The following OSGEPL1 variants were observed in gnomAD, a reference collection of about 807,000 sequenced individuals.
OSGEPL1 encodes the protein O-sialoglycoprotein endopeptidase like 1.
Under a neutral mutation model 37.2 loss-of-function variants are expected in OSGEPL1, and 26 were observed. The observed-to-expected ratio is 0.70, with a 90% CI of 0.51 to 0.97. The LOEUF (loss-of-function observed/expected upper bound fraction) is 0.97. Among genes scored for constraint, OSGEPL1 ranks in the 50% least tolerant of loss-of-function variants. The probability of loss-of-function intolerance (pLI) is 0.00; values close to 1 mark genes in which losing one functional copy is unlikely to be tolerated. For missense variants in OSGEPL1, 404 were observed against 487.0 expected, an observed-to-expected ratio of 0.83 and a Z score of 1.60; for synonymous variants, 140 against 159.9, an observed-to-expected ratio of 0.88 and a Z score of 0.94.
chr2:189,753,559 TA>T (rs1230840203), intron 5 of OSGEPL1, among the ~76,000 whole-genome samples: 3 of 151,978 alleles, frequency 2.0e-5, no homozygotes, highest in Admixed American at 1.3e-4. Context: ...ACTGGCTTAT[TA>T]AAAAAACAAA....
intron 1 of OSGEPL1, chr2:189,762,467 A>C (rs576899305): frequency 1.8e-6 from 1 of 550,794 alleles, no homozygotes; most frequent in South Asian, 7.8e-5. Flanking sequence ...CCAGACAGAC[A>C]CAACCTAGAG....
Position 189,753,145 on chromosome 2 carries a change from A to G in OSGEPL1, c.964-166T>C. The G allele has an allele frequency of 6.1e-6, 3 of 491,586 alleles. No homozygotes were observed. The Admixed American group carries it at 1.2e-4, about 19-fold the overall frequency. 30.5% of individuals were successfully genotyped at this position (491,586 alleles called of 1,614,324 possible). On this transcript the variant is annotated intron_variant, in intron 5 of 8. Coordinates refer to ENST00000264151, the MANE Select transcript of OSGEPL1 (RefSeq NM_022353.3). ...ATGTAATAAAAATTTGGAAAGAAAA[A>G]AATTACTAATAATTCTAATAGCATA...
intron 2 of OSGEPL1, among the ~76,000 whole-genome samples, chr2:189,760,070 T>TG (rs1022412826): frequency 3.0e-4 from 45 of 152,318 alleles, no homozygotes; most frequent in African/African-American, 1.0e-3. Context: ...AGCACGGGGT[T>TG]GGGGGTAAGG....
chr2:189,761,089 GACTA>G (rs66521615), intron 2 of OSGEPL1: 112,230 of 183,084 alleles, frequency 0.61, 38,171 homozygotes, highest in South Asian at 0.76. Context: ...TTTTTTCAAT[GACTA>G]ACAGTTTTCC....
intron 2 of OSGEPL1, among the ~76,000 whole-genome samples, chr2:189,756,546 T>C (rs967206904): frequency 6.6e-6 from 1 of 152,226 alleles, no homozygotes; most frequent in Non-Finnish European, 1.5e-5. Flanking sequence ...GAGGGGGATA[T>C]AAATGAAATG....
chr2:189,758,993 T>C (rs1360734804), intron 2 of OSGEPL1, among the ~76,000 whole-genome samples: 1 of 152,192 alleles, frequency 6.6e-6, no homozygotes, highest in Non-Finnish European at 1.5e-5. Context: ...ACGGTAATAA[T>C]AGTTACTGTC....
At chr2:189,753,510 T>C (rs1469116091) in intron 5 of OSGEPL1, among the ~76,000 whole-genome samples, 2 of 152,126 alleles carry the variant, frequency 1.3e-5, no homozygotes, top group East Asian at 1.9e-4. Context: ...AACATTAGTG[T>C]CACGAAAGTT....
intron 1 of OSGEPL1, among the ~76,000 whole-genome samples, chr2:189,762,188 T>C (rs1342991476): frequency 6.6e-6 from 1 of 152,222 alleles, no homozygotes; most frequent in African/African-American, 2.4e-5. Context: ...ATTGCAATCT[T>C]TGGAATTAAA....
Position 189,753,934 on chromosome 2 carries a change from A to G in OSGEPL1, c.945T>C (p.Pro315=), listed in dbSNP as rs1419248476. The G allele has an allele frequency of 1.9e-6, 3 of 1,613,494 alleles. No homozygotes were observed. The highest frequency in any genetic ancestry group is 2.5e-6 in the Non-Finnish European group (3 of 1,179,780). ...AACTTACCAGTACTGCATTATTTTG[A>G]GGTAACAAGTCTCTCTGCTTACAAA... is the stretch of plus-strand genomic sequence containing the variant. ...ILFCKQRDLL[P]QNNAVLVASG... Residue 315 remains proline (P), a synonymous_variant, in exon 5 of 9, where the codon CCT becomes CCC. Coordinates refer to ENST00000264151, the MANE Select transcript of OSGEPL1 (RefSeq NM_022353.3).
chr2:189,750,810 G>A (rs974369388), intron 7 of OSGEPL1, among the ~76,000 whole-genome samples, 154 bp from the exon 8 acceptor site: 3 of 151,988 alleles, frequency 2.0e-5, no homozygotes, highest in Non-Finnish European at 4.4e-5. Context: ...AATATACTGG[G>A]ACCTCAAGTC....
rs2045431427 is a variant in OSGEPL1, at chr2:189,752,534, A to T, written c.1166+119T>A. ...TTAACTAGGTTCATGAAAGAAATTTATGTAACTTTCCTTCAAGTACCACCA... is the reference window on the plus strand; with the variant it reads ...TTAACTAGGTTCATGAAAGAAATTTTTGTAACTTTCCTTCAAGTACCACCA... On this transcript the variant is annotated intron_variant, in intron 7 of 8. Transcript: ENST00000264151. 7.6e-6 allele frequency: 7 copies of T among 915,328 alleles called. No individual in the cohort carries two copies. The South Asian group carries it at 1.1e-4, about 14-fold the overall frequency. The allele number at this position is 915,328 out of a possible 1,614,324, so 56.7% of individuals were successfully genotyped here.
At chr2:189,762,552 G>A (rs895963496) in intron 1 of OSGEPL1, 133 bp downstream of exon 1, 24 of 974,632 alleles carry the variant, frequency 2.5e-5, no homozygotes, top group Non-Finnish European at 2.7e-5. Flanking sequence ...CAAGAAAGCT[G>A]CAGGCTGAAC....
At chr2:189,753,681 A>G (rs2045637402) in intron 5 of OSGEPL1, among the ~76,000 whole-genome samples, 1 of 152,204 alleles carries the variant, frequency 6.6e-6, no homozygotes, top group South Asian at 2.1e-4. Flanking sequence ...TTTAAATCCA[A>G]CAAGAAGATG....
At chr2:189,759,292 G>A (rs549051184) in intron 2 of OSGEPL1, among the ~76,000 whole-genome samples, 8 of 150,628 alleles carry the variant, frequency 5.3e-5, no homozygotes, top group Non-Finnish European at 7.4e-5. Flanking sequence ...TCTGTCGCCC[G>A]GGCTGGAGTC....
At chr2:189,751,847 T>C (rs1321084664) in intron 7 of OSGEPL1, among the ~76,000 whole-genome samples, 2 of 151,840 alleles carry the variant, frequency 1.3e-5, no homozygotes, top group African/African-American at 4.8e-5. Context: ...CAGAATTTGA[T>C]AGTAATTTGA....
Position 189,762,699 on chromosome 2 carries a change from G to A in OSGEPL1, c.-35C>T. The A allele has an allele frequency of 2.0e-6, 2 of 985,338 alleles. No individual in the cohort carries two copies. The highest frequency in any genetic ancestry group is 2.4e-6 in the Non-Finnish European group (2 of 829,940). The allele number at this position is 985,338 out of a possible 1,614,324, so 61.0% of individuals were successfully genotyped here. A position where few individuals can be genotyped will look rare whatever the true frequency, so the allele number is the denominator to read the frequency against. ...ATTTCACCCACCTTCCACTTGGGCG[G>A]CAGTAGCTAGCACTTGTCTCCTTTC... On this transcript the variant is annotated 5_prime_UTR_variant, in exon 1 of 9. Coordinates refer to ENST00000264151, the MANE Select transcript of OSGEPL1 (RefSeq NM_022353.3).
intron 8 of OSGEPL1, among the ~76,000 whole-genome samples, chr2:189,750,116 G>A (rs2044915304): frequency 6.6e-6 from 1 of 152,054 alleles, no homozygotes; most frequent in African/African-American, 2.4e-5. Context: ...GACAGAGGGA[G>A]ATTATCTCCA....
At chr2:189,748,189 G>A (rs546562005) in intron 8 of OSGEPL1, among the ~76,000 whole-genome samples, 6 of 152,298 alleles carry the variant, frequency 3.9e-5, no homozygotes, top group African/African-American at 1.4e-4. Flanking sequence ...GTGAGTGGGT[G>A]AATGAATTAT....
rs898113854 is a variant in OSGEPL1 at position 189,755,481 on chromosome 2, C to T, written c.301G>A (p.Ala101Thr). ...IQRIVQEALS[A>T]SGVSPSDLSA... The stretch of plus-strand genomic sequence containing the variant: ...AGGTCACTTGGAGAGACTCCACTGG[C>T]AGAAAGAGCTTCTTGTACTATTCGT... The change falls in exon 3 of 9, where the codon GCC becomes ACC. Residue 101 changes from alanine to threonine, a missense_variant. Transcript: ENST00000264151. The T allele has an allele frequency of 3.1e-6, 5 of 1,602,242 alleles. No individual in the cohort carries two copies. Among genetic ancestry groups the T allele is most frequent in the Non-Finnish European group, 4.2e-6 (5 of 1,177,222 alleles).
Sources: gnomAD v4.1 joint callset for allele counts (sites outside exome capture counted in the v4.1 genomes callset) on GRCh38, gnomAD v4.1.1 for gene constraint, MANE v1.5 for transcripts, NCBI Gene and HGNC (gene_info 2026-07-23, HGNC 2026-07-21) for gene names.